The following RTKN2 variants were observed in gnomAD, a reference collection of about 807,000 sequenced individuals.
RTKN2 encodes the protein rhotekin 2.
Under a neutral mutation model 71.5 loss-of-function variants are expected in RTKN2, and 69 were observed. The ratio of observed to expected loss-of-function variants is 0.96; its 90% confidence interval spans 0.79 to 1.18. RTKN2 has a LOEUF of 1.18. RTKN2 is among the 50% of genes most tolerant of loss of function. RTKN2 has a pLI of 0.00. For synonymous variants in RTKN2, 236 were observed against 236.5 expected (o/e 1.00, Z 0.02); for missense variants, 724 against 719.7 (o/e 1.01, Z -0.07).
intron 2 of RTKN2, among the ~76,000 whole-genome samples, chr10:62,258,437 A>G (rs1842712692): frequency 6.6e-6 from 1 of 151,010 alleles, no homozygotes; most frequent in South Asian, 2.1e-4. Flanking sequence ...AAAGAAATCC[A>G]CACACAGTTT....
At chr10:62,208,036 T>A (rs4979774) in intron 9 of RTKN2, among the ~76,000 whole-genome samples, 87,173 of 151,982 alleles carry the variant, frequency 0.57, 25,462 homozygotes, top group East Asian at 0.9. Flanking sequence ...CAGTCTGCAA[T>A]TTTTCACTCC....
chr10:62,198,227 GC>G lies in RTKN2; in HGVS notation c.1510del (p.Ala504LeufsTer13). On this transcript the variant is annotated frameshift_variant, in exon 12 of 12. Transcript: ENST00000373789. LOFTEE classifies it low-confidence loss of function (END_TRUNC). ...AAGTTTATCAGAAGGAGGAAGGGGA[GC>G]TTGTCTCTTTTTCCCTTTTTCATCA... ...LHDEKGKKRQAPLPPSDKLPF... is the reference protein window; with the variant it reads ...LHDEKGKKRQXPLPPSDKLPF... 2 of 1,613,978 alleles carry G rather than the reference GC, an allele frequency of 1.2e-6. No individual in the cohort carries two copies. Among genetic ancestry groups the G allele is most frequent in the Non-Finnish European group, 1.7e-6 (2 of 1,179,932 alleles).
Position 62,194,841 on chromosome 10 carries a change from C to T in RTKN2, c.*3067G>A, listed in dbSNP as rs1841290137. 1 of 985,004 alleles carries T rather than the reference C, an allele frequency of 1.0e-6. No individual in the cohort carries two copies. Among genetic ancestry groups the T allele is most frequent in the South Asian group, 4.7e-5 (1 of 21,278 alleles). The allele number at this position is 985,004 out of a possible 1,614,324, so 61.0% of individuals were successfully genotyped here. A position where few individuals can be genotyped will look rare whatever the true frequency, so the allele number is the denominator to read the frequency against. ...CAGGTAAAATGCATTTAGTAAGATC[C>T]CAAAGGGTAAAGATAAGGCATTTAT... On this transcript the variant is annotated 3_prime_UTR_variant, in exon 12 of 12. Coordinates refer to ENST00000373789, the MANE Select transcript of RTKN2 (RefSeq NM_145307.4).
intron 1 of RTKN2, among the ~76,000 whole-genome samples, chr10:62,266,483 GA>G (rs1296544331): frequency 6.6e-6 from 1 of 152,166 alleles, no homozygotes; most frequent in Non-Finnish European, 1.5e-5. Flanking sequence ...TGGATTTTAA[GA>G]ATTGTTTATG....
At chr10:62,251,221 TA>T (rs1386229624) in intron 2 of RTKN2, among the ~76,000 whole-genome samples, 1 of 152,196 alleles carries the variant, frequency 6.6e-6, no homozygotes, top group Non-Finnish European at 1.5e-5. Context: ...ACAAAAAGGG[TA>T]AATATTTTGA....
intron 2 of RTKN2, among the ~76,000 whole-genome samples, chr10:62,255,418 T>C (rs1842656588): frequency 6.6e-6 from 1 of 152,136 alleles, no homozygotes. Flanking sequence ...CAAGAATGGA[T>C]CGTCTTTTTG....
intron 6 of RTKN2, among the ~76,000 whole-genome samples, chr10:62,234,815 AG>A (rs1842221779): frequency 6.6e-6 from 1 of 152,184 alleles, no homozygotes; most frequent in Admixed American, 6.5e-5. Flanking sequence ...CATAGATAAA[AG>A]ACTGATAGAG....
chr10:62,217,128 G>A lies in RTKN2; in HGVS notation c.1010C>T (p.Pro337Leu). The change falls in exon 9 of 12, where the codon CCC becomes CTC. Residue 337 changes from proline to leucine, a missense_variant. Pro to Leu is a moderately conservative substitution (Grantham distance 98). Coordinates refer to ENST00000373789, the MANE Select transcript of RTKN2 (RefSeq NM_145307.4). ...EAKVEPALVVPINKETRIRAM... is the reference protein window; with the variant it reads ...EAKVEPALVVLINKETRIRAM... ...TAGCATTTCCTTTACCTTGTTAATG[G>A]GTACTACCAAAGCTGGTTCCACTTT... 1 of 1,566,058 alleles carries A rather than the reference G, an allele frequency of 6.4e-7. No homozygotes were observed. Among genetic ancestry groups the A allele is most frequent in the Non-Finnish European group, 8.6e-7 (1 of 1,160,902 alleles).
chr10:62,259,071 C>T, intron 2 of RTKN2: 1 of 321,818 alleles, frequency 3.1e-6, no homozygotes, highest in Non-Finnish European at 6.4e-6. Context: ...GTAACTGAAT[C>T]ATAGGGGCAG....
In RTKN2 at chr10:62,243,927, C is replaced by T. The variant is rs532379445; in HGVS notation, c.316+2072G>A. On this transcript the variant is annotated intron_variant, in intron 3 of 11. Transcript: ENST00000373789. ...TTGGTTTATTCATTAAATTAGTAGT[C>T]GGTGACTAAGCTAATTACCACAATA... is the stretch of plus-strand genomic sequence containing the variant. Among the ~76,000 whole-genome samples, 18 of 152,102 alleles carry T rather than the reference C, an allele frequency of 1.2e-4. No individual in the cohort carries two copies. In the South Asian group the frequency reaches 1.2e-3, roughly 11 times the overall value.
chr10:62,209,761 C>T (rs960222353), intron 9 of RTKN2, among the ~76,000 whole-genome samples: 1 of 152,042 alleles, frequency 6.6e-6, no homozygotes, highest in Non-Finnish European at 1.5e-5. Context: ...TAATGTCCTC[C>T]AGCTCCATCT....
At chr10:62,192,393 A>G (rs191806638), downstream of RTKN2, among the ~76,000 whole-genome samples, 6 of 152,308 alleles carry the variant, frequency 3.9e-5, no homozygotes, top group East Asian at 1.2e-3. Flanking sequence ...GAAAAATCTG[A>G]TAAGATGTGG....
intron 6 of RTKN2, among the ~76,000 whole-genome samples, chr10:62,225,447 T>A (rs1280069863): frequency 1.3e-5 from 2 of 152,238 alleles, no homozygotes; most frequent in Non-Finnish European, 2.9e-5. Flanking sequence ...CAAAGTTGAG[T>A]GCAATTCATG....
downstream of RTKN2, among the ~76,000 whole-genome samples, chr10:62,191,038 A>C (rs112538983): frequency 6.0e-3 from 918 of 152,262 alleles, 4 homozygotes; most frequent in African/African-American, 0.02. Flanking sequence ...TGGATGAATT[A>C]TCTTCTATTT....
chr10:62,210,910 TC>T (rs1245580961), intron 9 of RTKN2, among the ~76,000 whole-genome samples: 1 of 152,130 alleles, frequency 6.6e-6, no homozygotes, highest in Admixed American at 6.5e-5. Context: ...TGGATTAAAA[TC>T]CCATGTGCTT....
chr10:62,249,602 G>T (rs1000762744), intron 2 of RTKN2, among the ~76,000 whole-genome samples: 1 of 152,034 alleles, frequency 6.6e-6, no homozygotes, highest in African/African-American at 2.4e-5. Context: ...TCATTTTGAT[G>T]GAACAGGCAG....
chr10:62,217,067 A>T (rs1841784406), intron 9 of RTKN2, 51 bp downstream of exon 9: 9 of 1,426,678 alleles, frequency 6.3e-6, no homozygotes, highest in Non-Finnish European at 8.4e-6. Flanking sequence ...CACAGACAAA[A>T]ACAAACTTCC....
rs745337857 is a variant in RTKN2, at chr10:62,197,382, T to A, written c.*526A>T. ...CCAGGAATTTAAAAGGTCAGGCCTA[T>A]AAACTAGTGAGTTAAACAATAGATG... On this transcript the variant is annotated 3_prime_UTR_variant, in exon 12 of 12. Transcript: ENST00000373789. The A allele has an allele frequency of 4.1e-6, 4 of 985,916 alleles. No individual in the cohort carries two copies. Among genetic ancestry groups the A allele is most frequent in the Non-Finnish European group, 4.8e-6 (4 of 829,942 alleles). The allele number at this position is 985,916 out of a possible 1,614,324, so 61.1% of individuals were successfully genotyped here. A position where few individuals can be genotyped will look rare whatever the true frequency, so the allele number is the denominator to read the frequency against.
chr10:62,246,006 G>A lies in RTKN2; in HGVS notation c.309C>T (p.Ala103=). ...GATTCATTTATAGCATACCTGATATGGCAATCTTTCCTTTACATGCTGTTC... is the reference window on the plus strand; with the variant it reads ...GATTCATTTATAGCATACCTGATATAGCAATCTTTCCTTTACATGCTGTTC... The part of the protein sequence containing the change: ...KERTACKGKI[A]ISDIRIPLMW... The change falls in exon 3 of 12, where the codon GCC becomes GCT. Residue 103 remains alanine (A), a synonymous_variant. Transcript: ENST00000373789. 6.3e-7 allele frequency: 1 copy of A among 1,580,578 alleles called. No homozygotes were observed. Among genetic ancestry groups the A allele is most frequent in the Admixed American group, 1.8e-5 (1 of 56,098 alleles).
Sources: allele counts gnomAD v4.1 joint callset (sites outside exome capture counted in the v4.1 genomes callset), GRCh38; gene constraint gnomAD v4.1.1; transcripts MANE v1.5; gene names NCBI Gene and HGNC (gene_info 2026-07-23, HGNC 2026-07-21).